Variants in KIF26B observed in about 807,000 individuals in gnomAD.
KIF26B encodes kinesin-like protein KIF26B.
KIF26B carries 63 observed loss-of-function variants against 151.2 expected under a neutral mutation model. That is an observed-to-expected ratio of 0.42 (90% confidence interval 0.34 to 0.51). The LOEUF (loss-of-function observed/expected upper bound fraction) is 0.51. Among genes scored for constraint, KIF26B ranks in the 20% least tolerant of loss-of-function variants. KIF26B has a pLI of 0.07. For missense variants in KIF26B, 2,813 were observed against 2,913.6 expected, an observed-to-expected ratio of 0.97 and a Z score of 0.79; for synonymous variants, 1,357 against 1,262.1, an observed-to-expected ratio of 1.08 and a Z score of -1.59.
intron 9 of KIF26B, among the ~76,000 whole-genome samples, chr1:245,644,769 G>A (rs910262264): frequency 6.6e-6 from 1 of 152,150 alleles, no homozygotes; most frequent in African/African-American, 2.4e-5. Flanking sequence ...ATCTTTTTAG[G>A]TAGTTAATTT....
At chr1:245,175,313 G>A (rs753185286) in intron 2 of KIF26B, among the ~76,000 whole-genome samples, 7 of 152,070 alleles carry the variant, frequency 4.6e-5, no homozygotes. Flanking sequence ...ATACACACTA[G>A]ATAGCAGCTA....
chr1:245,588,783 G>A (rs943146399), intron 5 of KIF26B, among the ~76,000 whole-genome samples: 4 of 152,204 alleles, frequency 2.6e-5, no homozygotes, highest in Admixed American at 2.6e-4. Flanking sequence ...TACATACTGT[G>A]TGTTCAACAC....
At chr1:245,639,713 T>G (rs574078179) in intron 9 of KIF26B, among the ~76,000 whole-genome samples, 1 of 152,150 alleles carries the variant, frequency 6.6e-6, no homozygotes, top group Non-Finnish European at 1.5e-5. Context: ...TCTTAATTTC[T>G]TCATTGACCC....
intron 10 of KIF26B, among the ~76,000 whole-genome samples, chr1:245,681,657 G>A (rs1480651193): frequency 6.6e-6 from 1 of 152,188 alleles, no homozygotes; most frequent in African/African-American, 2.4e-5. Flanking sequence ...GAGATGAAAA[G>A]TGGCTGAATG....
chr1:245,542,924 C>T (rs6693332), intron 5 of KIF26B, among the ~76,000 whole-genome samples: 28,892 of 152,080 alleles, frequency 0.19, 3,139 homozygotes, highest in East Asian at 0.28. Context: ...AGCCAGTTCT[C>T]TTCTGAATAA....
intron 5 of KIF26B, among the ~76,000 whole-genome samples, chr1:245,543,482 A>C (rs1661669472): frequency 2.0e-5 from 1 of 49,724 alleles, no homozygotes; most frequent in African/African-American, 6.2e-5. Context: ...GACTGTGTCG[A>C]GGAGCGGGGC....
intron 10 of KIF26B, among the ~76,000 whole-genome samples, chr1:245,651,002 T>TCGC (rs1245483139): frequency 6.6e-6 from 1 of 152,168 alleles, no homozygotes; most frequent in East Asian, 1.9e-4. Context: ...TGTGCTGAGC[T>TCGC]CGCCTCCTCC....
intron 3 of KIF26B, among the ~76,000 whole-genome samples, chr1:245,389,209 G>A (rs1265660793): frequency 6.6e-6 from 1 of 152,016 alleles, no homozygotes; most frequent in African/African-American, 2.4e-5. Context: ...TACCTCCTGG[G>A]TTCAAGCAAT....
intron 2 of KIF26B, among the ~76,000 whole-genome samples, chr1:245,334,370 T>G (rs1276456614): frequency 6.6e-6 from 1 of 152,256 alleles, no homozygotes; most frequent in Non-Finnish European, 1.5e-5. Context: ...TGTATCCTGG[T>G]TGATTAATGG....
chr1:245,524,713 G>T (rs1342642131), intron 4 of KIF26B, among the ~76,000 whole-genome samples: 1 of 151,994 alleles, frequency 6.6e-6, no homozygotes, highest in Non-Finnish European at 1.5e-5. Flanking sequence ...TCAGTCTAAG[G>T]CAGTTAGGTA....
intron 12 of KIF26B, among the ~76,000 whole-genome samples, chr1:245,689,926 C>G (rs896167253): frequency 3.9e-5 from 6 of 152,090 alleles, no homozygotes; most frequent in African/African-American, 1.4e-4. Context: ...ATATAAAGCC[C>G]ACAGACTTGT....
intron 4 of KIF26B, among the ~76,000 whole-genome samples, chr1:245,509,491 C>G (rs1035425226): frequency 6.6e-6 from 1 of 152,232 alleles, no homozygotes; most frequent in African/African-American, 2.4e-5. Context: ...TTCGTTTCCA[C>G]TCTCCTATCC....
At chr1:245,544,329 G>C (rs1397359199) in intron 5 of KIF26B, among the ~76,000 whole-genome samples, 1 of 152,200 alleles carries the variant, frequency 6.6e-6, no homozygotes, top group Non-Finnish European at 1.5e-5. Context: ...CAAGTTGATT[G>C]ATTATTTAAA....
chr1:245,285,331 C>T (rs752534944), intron 2 of KIF26B, among the ~76,000 whole-genome samples: 5 of 152,144 alleles, frequency 3.3e-5, no homozygotes, highest in African/African-American at 7.2e-5. Flanking sequence ...GCCCATGCTC[C>T]GTTAGCTAGA....
chr1:245,586,158 A>AGT (rs10526699), intron 5 of KIF26B, among the ~76,000 whole-genome samples: 28,555 of 141,792 alleles, frequency 0.2, 2,669 homozygotes, highest in East Asian at 0.27. Flanking sequence ...CACCATGACC[A>AGT]GTGTGTGTGT....
At chr1:245,155,600 C>A in intron 1 of KIF26B, 113 bp downstream of exon 1, 2 of 916,764 alleles carry the variant, frequency 2.2e-6, no homozygotes, top group Non-Finnish European at 3.2e-6. Flanking sequence ...GCTGCAGAGG[C>A]GCCCCCGGGG....
At chr1:245,626,334 A>AT (rs1450743817) in intron 9 of KIF26B, among the ~76,000 whole-genome samples, 14 of 150,920 alleles carry the variant, frequency 9.3e-5, no homozygotes, top group Admixed American at 8.6e-4. Context: ...GGCTGTACTA[A>AT]TTTACATTCC....
chr1:245,650,715 C>T (rs1353914144), intron 10 of KIF26B, among the ~76,000 whole-genome samples: 2 of 152,230 alleles, frequency 1.3e-5, no homozygotes, highest in Non-Finnish European at 2.9e-5. Flanking sequence ...TTTGCCAACA[C>T]AGTGTTTCTA....
chr1:245,499,925 C>A (rs1231904861), intron 4 of KIF26B, among the ~76,000 whole-genome samples: 1 of 152,192 alleles, frequency 6.6e-6, no homozygotes, highest in Non-Finnish European at 1.5e-5. Context: ...CATTCTCCCC[C>A]TTCTAGGAAT....
Sources: gnomAD v4.1 joint callset for allele counts (sites outside exome capture counted in the v4.1 genomes callset) on GRCh38, gnomAD v4.1.1 for gene constraint, MANE v1.5 for transcripts, NCBI Gene and HGNC (gene_info 2026-07-23, HGNC 2026-07-21) for gene names.